Variants in FBXL13 observed in about 807,000 individuals in gnomAD.
FBXL13 encodes the protein F-box and leucine rich repeat protein 13, also known as F-box and leucine-rich repeat protein 13.
Under a neutral mutation model 83.6 loss-of-function variants are expected in FBXL13, and 67 were observed. That is an observed-to-expected ratio of 0.80 (90% CI 0.66 to 0.98). FBXL13 has a LOEUF of 0.98. Among genes scored for constraint, FBXL13 ranks in the 50% least tolerant of loss-of-function variants. The pLI, the probability that FBXL13 is intolerant of heterozygous loss-of-function variation, is 0.00. For missense variants in FBXL13, 822 were observed against 866.5 expected, an observed-to-expected ratio of 0.95 and a Z score of 0.64; for synonymous variants, 272 against 299.5, an observed-to-expected ratio of 0.91 and a Z score of 0.95.
chr7:102,894,959 G>C (rs1812075840), intron 11 of FBXL13, among the ~76,000 whole-genome samples: 1 of 152,140 alleles, frequency 6.6e-6, no homozygotes, highest in South Asian at 2.1e-4. Flanking sequence ...ATTGGCCACA[G>C]TCTCATTCAT....
chr7:103,047,835 C>T (rs1796427863), intron 2 of FBXL13, among the ~76,000 whole-genome samples: 1 of 152,164 alleles, frequency 6.6e-6, no homozygotes, highest in Non-Finnish European at 1.5e-5. Flanking sequence ...GCTGGGCTTA[C>T]AGGCACCCGC....
chr7:102,967,882 G>A (rs968865017), intron 7 of FBXL13, 140 bp downstream of exon 8: 4 of 535,778 alleles, frequency 7.5e-6, no homozygotes, highest in South Asian at 3.4e-5. Flanking sequence ...GCTTGTGCCT[G>A]GACAAAAGAA....
At chr7:102,852,699 C>A (rs1262621186) in intron 17 of FBXL13, among the ~76,000 whole-genome samples, 1 of 152,106 alleles carries the variant, frequency 6.6e-6, no homozygotes, top group Non-Finnish European at 1.5e-5. Flanking sequence ...TAGATGTTGG[C>A]AGGGATGCAG....
rs183662361 is a variant in FBXL13, at chr7:102,843,707, C to T, written c.1720-10733G>A. Among the ~76,000 whole-genome samples, 1,341 of 152,148 alleles carry T rather than the reference C, an allele frequency of 8.8e-3. 13 individuals carry two copies. The highest frequency in any genetic ancestry group is 0.014 in the Non-Finnish European group (954 of 67,990). Reference sequence around the variant, plus strand: ...AGGAGAATCGCTTGAACCCAGGCGGCGGAGGTTGCAATGAGCCAAGATCGC... The same window carrying T: ...AGGAGAATCGCTTGAACCCAGGCGGTGGAGGTTGCAATGAGCCAAGATCGC... On this transcript the variant is annotated intron_variant, in intron 17 of 19. Coordinates refer to ENST00000313221, the Ensembl canonical transcript of FBXL13.
chr7:103,074,730 T>C (rs1269548495), upstream of FBXL13: 1 of 1,289,726 alleles, frequency 7.8e-7, no homozygotes, highest in African/African-American at 1.5e-5. Context: ...CTCCTTGAAG[T>C]AGTTCTTCAG....
chr7:103,041,006 A>G (rs962940250), intron 2 of FBXL13, among the ~76,000 whole-genome samples: 1 of 152,196 alleles, frequency 6.6e-6, no homozygotes, highest in Admixed American at 6.5e-5. Context: ...GAGAGTCACA[A>G]AAAACCCTTC....
intron 16 of FBXL13, among the ~76,000 whole-genome samples, chr7:102,871,701 A>T (rs185737101): frequency 6.6e-6 from 1 of 152,006 alleles, no homozygotes; most frequent in Non-Finnish European, 1.5e-5. Flanking sequence ...CCAATTTTTA[A>T]TTTTTTTATT....
chr7:102,908,291 G>GA (rs1814081081), intron 11 of FBXL13, among the ~76,000 whole-genome samples: 1 of 151,896 alleles, frequency 6.6e-6, no homozygotes, highest in Admixed American at 6.6e-5. Flanking sequence ...AAATTTATCT[G>GA]ATAGAATTCT....
At chr7:103,054,942 G>A (rs1467222868) in intron 2 of FBXL13, 146 bp downstream of exon 3, 1 of 380,702 alleles carries the variant, frequency 2.6e-6, no homozygotes, top group East Asian at 7.6e-5. Flanking sequence ...GTCTGTGTAT[G>A]TGTGTGGCTA....
chr7:102,843,877 A>T (rs1803466988), intron 17 of FBXL13, among the ~76,000 whole-genome samples: 2 of 152,230 alleles, frequency 1.3e-5, no homozygotes, highest in Admixed American at 1.3e-4. Flanking sequence ...GGACAATGAG[A>T]GAAGTGGAGG....
intron 6 of FBXL13, among the ~76,000 whole-genome samples, chr7:102,972,193 TTAACTTTA>T (rs1418064907): frequency 6.6e-6 from 1 of 152,094 alleles, no homozygotes; most frequent in African/African-American, 2.4e-5. Flanking sequence ...GGTAAAGCCA[TTAACTTTA>T]TAAAACAGTA....
At chr7:102,994,864 G>A (rs956704807) in intron 6 of FBXL13, among the ~76,000 whole-genome samples, 3 of 152,146 alleles carry the variant, frequency 2.0e-5, no homozygotes, top group African/African-American at 7.2e-5. Context: ...TTAAGCAGAT[G>A]TGTAGGTTTT....
chr7:103,041,603 A>C (rs1795706938), intron 2 of FBXL13, among the ~76,000 whole-genome samples: 1 of 152,252 alleles, frequency 6.6e-6, no homozygotes, highest in Non-Finnish European at 1.5e-5. Context: ...ATCCAGCAGC[A>C]CATCAAAAAG....
chr7:102,993,786 T>A (rs575460489), intron 6 of FBXL13, among the ~76,000 whole-genome samples: 1 of 152,242 alleles, frequency 6.6e-6, no homozygotes, highest in Non-Finnish European at 1.5e-5. Context: ...TGACTTGTTT[T>A]CATGAGTTGA....
At chr7:102,972,226 T>TG (rs368908982) in intron 6 of FBXL13, among the ~76,000 whole-genome samples, 2 of 151,874 alleles carry the variant, frequency 1.3e-5, no homozygotes, top group African/African-American at 4.8e-5. Context: ...GATGAAAACG[T>TG]GGGGGTAGAA....
intron 11 of FBXL13, among the ~76,000 whole-genome samples, chr7:102,901,491 G>T (rs138410928): frequency 1.3e-5 from 2 of 152,104 alleles, no homozygotes; most frequent in African/African-American, 4.8e-5. Context: ...CTATCAAATA[G>T]TATATCTTAT....
intron 8 of FBXL13, among the ~76,000 whole-genome samples, chr7:102,948,228 T>TA (rs1333387440): frequency 6.6e-6 from 1 of 151,826 alleles, no homozygotes; most frequent in Non-Finnish European, 1.5e-5. Context: ...CATGCCTGGC[T>TA]AAATTTTATA....
intron 9 of FBXL13, among the ~76,000 whole-genome samples, chr7:102,931,426 A>C (rs1436478623): frequency 6.6e-6 from 1 of 152,198 alleles, no homozygotes; most frequent in African/African-American, 2.4e-5. Context: ...TTTTACAAAG[A>C]GTATAAAGTG....
chr7:102,835,368 A>G (rs909629684), intron 17 of FBXL13, among the ~76,000 whole-genome samples: 1 of 152,180 alleles, frequency 6.6e-6, no homozygotes, highest in Non-Finnish European at 1.5e-5. Context: ...CCTTTGAATT[A>G]TTGGAATCAG....
Sources: allele counts gnomAD v4.1 joint callset (sites outside exome capture counted in the v4.1 genomes callset), GRCh38; gene constraint gnomAD v4.1.1; transcripts MANE v1.5; gene names NCBI Gene and HGNC (gene_info 2026-07-23, HGNC 2026-07-21).